Variants in OSTF1 observed in about 807,000 individuals in gnomAD.
The protein encoded by OSTF1 is osteoclast stimulating factor 1, also known as osteoclast-stimulating factor 1.
OSTF1 carries 27 observed loss-of-function variants against 37.2 expected under a neutral mutation model. That is an observed-to-expected ratio of 0.73 (90% CI 0.54 to 1.00). The LOEUF (loss-of-function observed/expected upper bound fraction) is 1.00, where lower values mean the gene tolerates loss of function less well. OSTF1 is among the 50% of genes least tolerant of loss of function. The pLI, the probability that OSTF1 is intolerant of heterozygous loss-of-function variation, is 0.00. For synonymous variants in OSTF1, 82 were observed against 89.2 expected (o/e 0.92, Z 0.46); for missense variants, 232 against 253.8 (o/e 0.91, Z 0.58).
At chr9:75,117,597 A>C (rs776205196) in intron 2 of OSTF1, 47 bp downstream of exon 2, 1 of 1,361,180 alleles carries the variant, frequency 7.3e-7, no homozygotes, top group East Asian at 2.3e-5. Context: ...AAAACCTAAG[A>C]TGATTTTATT....
chr9:75,137,751 A>G, intron 8 of OSTF1, 135 bp downstream of exon 8: 1 of 622,036 alleles, frequency 1.6e-6, no homozygotes, highest in Non-Finnish European at 2.9e-6. Flanking sequence ...CTGCCTGTGT[A>G]TCATGGAATA....
chr9:75,102,767 C>T (rs909374827), intron 1 of OSTF1, among the ~76,000 whole-genome samples: 1 of 152,166 alleles, frequency 6.6e-6, no homozygotes, highest in Non-Finnish European at 1.5e-5. Context: ...TTTTCTACTC[C>T]AGTGGCATCA....
chr9:75,109,701 C>T (rs757550436), intron 1 of OSTF1, among the ~76,000 whole-genome samples: 5 of 152,118 alleles, frequency 3.3e-5, no homozygotes, highest in South Asian at 2.1e-4. Context: ...GGAAGATGAC[C>T]GGAAGGGATT....
intron 1 of OSTF1, among the ~76,000 whole-genome samples, chr9:75,101,533 G>A (rs1372081998): frequency 6.6e-6 from 1 of 152,100 alleles, no homozygotes; most frequent in Non-Finnish European, 1.5e-5. Context: ...CTTTTGTGGA[G>A]GCTCTTGTAC....
At chr9:75,142,296 T>C (rs1419749435) in intron 9 of OSTF1, among the ~76,000 whole-genome samples, 1 of 152,162 alleles carries the variant, frequency 6.6e-6, no homozygotes, top group Admixed American at 6.5e-5. Context: ...GAAGCCATAT[T>C]TGCAATAGTG....
chr9:75,100,785 C>G (rs1251323996), intron 1 of OSTF1, among the ~76,000 whole-genome samples: 2 of 151,964 alleles, frequency 1.3e-5, no homozygotes, highest in East Asian at 1.9e-4. Flanking sequence ...AGGTCTGACC[C>G]GGGGCCTTGG....
chr9:75,089,639 G>A (rs1824914648), intron 1 of OSTF1, among the ~76,000 whole-genome samples: 1 of 152,148 alleles, frequency 6.6e-6, no homozygotes, highest in Admixed American at 6.5e-5. Flanking sequence ...CATTTGGGTA[G>A]GTAATTAAGG....
At chr9:75,112,162 T>C (rs1260673376) in intron 1 of OSTF1, among the ~76,000 whole-genome samples, 2 of 151,420 alleles carry the variant, frequency 1.3e-5, no homozygotes, top group Admixed American at 6.6e-5. Context: ...GAAGATAATA[T>C]GAAACACAGA....
At chr9:75,121,591 C>T (rs911060945) in intron 2 of OSTF1, among the ~76,000 whole-genome samples, 1 of 152,292 alleles carries the variant, frequency 6.6e-6, no homozygotes, top group Middle Eastern at 3.4e-3. Context: ...TAGCCTCTAG[C>T]TCCCACAGAC....
intron 1 of OSTF1, among the ~76,000 whole-genome samples, chr9:75,096,319 A>G (rs1036892377): frequency 3.3e-5 from 5 of 152,146 alleles, no homozygotes; most frequent in African/African-American, 9.7e-5. Flanking sequence ...ATGGTTTTAT[A>G]TTTGTGCATT....
intron 1 of OSTF1, among the ~76,000 whole-genome samples, chr9:75,114,637 C>T (rs933215184): frequency 2.6e-5 from 4 of 151,928 alleles, no homozygotes; most frequent in African/African-American, 9.7e-5. Context: ...ACTGCAACCT[C>T]CACCTCCTGG....
At chr9:75,105,280 C>T (rs184340781) in intron 1 of OSTF1, among the ~76,000 whole-genome samples, 173 of 152,206 alleles carry the variant, frequency 1.1e-3, no homozygotes, top group Non-Finnish European at 1.8e-3. Context: ...AAAAAGAGGA[C>T]TACAAGGTAG....
At chr9:75,133,466 GATTTACAAAAA>G in intron 6 of OSTF1, 65 bp downstream of exon 6, 2 of 952,822 alleles carry the variant, frequency 2.1e-6, no homozygotes, top group Non-Finnish European at 3.3e-6. Flanking sequence ...ACGGGAGCCA[GATTTACAAAAA>G]ATGAGAAAGG....
chr9:75,093,044 C>T (rs1020808879), intron 1 of OSTF1, among the ~76,000 whole-genome samples: 3 of 129,010 alleles, frequency 2.3e-5, no homozygotes, highest in Non-Finnish European at 4.9e-5. Context: ...CTTTCTTTCT[C>T]TCTCTCTCTT....
chr9:75,136,149 A>C (rs1343658982), intron 7 of OSTF1, among the ~76,000 whole-genome samples: 1 of 152,202 alleles, frequency 6.6e-6, no homozygotes, highest in Non-Finnish European at 1.5e-5. Flanking sequence ...GGCCATTCTT[A>C]GAATTCTGTT....
intron 1 of OSTF1, among the ~76,000 whole-genome samples, chr9:75,116,577 A>C (rs779096581): frequency 4.7e-5 from 7 of 148,894 alleles, no homozygotes; most frequent in Non-Finnish European, 1.0e-4. Flanking sequence ...TTGGGACTTA[A>C]TGGAATCATA....
intron 8 of OSTF1, among the ~76,000 whole-genome samples, chr9:75,139,057 T>TCTTTCTTTTCTTTCTTTC: frequency 7.2e-6 from 1 of 138,516 alleles, no homozygotes. Context: ...TTTCTTTCTT[T>TCTTTCTTTTCTTTCTTTC]TTTTTTTGAA....
intron 9 of OSTF1, among the ~76,000 whole-genome samples, chr9:75,141,987 A>G (rs1209739809): frequency 3.9e-5 from 6 of 152,152 alleles, no homozygotes; most frequent in African/African-American, 1.4e-4. Context: ...GACTCAAGCC[A>G]TCCTCCTGCC....
chr9:75,119,482 A>G (rs1825543865), intron 2 of OSTF1, among the ~76,000 whole-genome samples: 1 of 152,346 alleles, frequency 6.6e-6, no homozygotes, highest in Non-Finnish European at 1.5e-5. Flanking sequence ...ACAAAGTTCT[A>G]CAGACTGGGT....
Sources: gnomAD v4.1 joint callset for allele counts (sites outside exome capture counted in the v4.1 genomes callset) on GRCh38, gnomAD v4.1.1 for gene constraint, MANE v1.5 for transcripts, NCBI Gene and HGNC (gene_info 2026-07-23, HGNC 2026-07-21) for gene names.